NR1D1: variants seen among roughly 807,000 people sequenced by gnomAD.
NR1D1 encodes nuclear receptor subfamily 1 group D member 1, also known as Rev-ErbAalpha.
A neutral mutation model predicts 51.1 loss-of-function variants in NR1D1; 17 were observed. The ratio of observed to expected loss-of-function variants is 0.33; its 90% CI spans 0.23 to 0.50. The LOEUF (loss-of-function observed/expected upper bound fraction) is 0.50. Ranked by LOEUF, NR1D1 falls within the 20% of genes least tolerant of loss-of-function variation. The probability of loss-of-function intolerance (pLI) is 0.98; values close to 1 mark genes in which losing one functional copy is unlikely to be tolerated. For missense variants in NR1D1, 647 were observed against 830.4 expected (o/e 0.78, Z 2.71); for synonymous variants, 341 against 333.4 (o/e 1.02, Z -0.25).
chr17:40,097,168 TGAC>T lies in NR1D1; in HGVS notation c.264_266del (p.Ser93del), dbSNP rs747955235. 53 of 1,611,462 alleles carry T rather than the reference TGAC, an allele frequency of 3.3e-5. No individual in the cohort carries two copies. Among genetic ancestry groups the T allele is most frequent in the Middle Eastern group, 3.3e-4 (2 of 6,076 alleles). ...TCCCATTATAGAAGGAGGAGGAGGA[TGAC>T]GACGAGGAAGATGAGGAAGAAGGGG... On this transcript the variant is annotated inframe_deletion, in exon 2 of 8. Coordinates refer to ENST00000246672, the MANE Select transcript of NR1D1 (RefSeq NM_021724.5).
rs200279652 is a variant in NR1D1 at position 40,093,142 on chromosome 17, G to A, written c.1786C>T (p.Arg596Trp). The stretch of plus-strand genomic sequence containing the variant: ...TCGGAATGCATGTTGTTCAGGGTCC[G>A]CAGGTCCGGCAGCTTGAGCAGCAGC... Reference protein sequence around the residue: ...TKLLLKLPDLRTLNNMHSEKL... With the variant: ...TKLLLKLPDLWTLNNMHSEKL... Residue 596 changes from arginine (R) to tryptophan (W), a missense_variant, in exon 8 of 8, where the codon CGG becomes TGG. Physicochemically the swap from Arg to Trp is moderately radical, Grantham distance 101. This residue lies in a region of NR1D1 where 155 missense variants were observed against 236.8 expected (regional missense o/e 0.65). Transcript: ENST00000246672. This position sits in a 1 kb window ranked among gnomAD's most constrained non-coding sequence, Gnocchi z 5.9. 6 of 1,614,088 alleles carry A rather than the reference G, an allele frequency of 3.7e-6. No homozygotes were observed. The highest frequency in any genetic ancestry group is 4.2e-6 in the Non-Finnish European group (5 of 1,180,026).
In NR1D1 at chr17:40,092,954, A is replaced by G; in HGVS notation, c.*129T>C. On this transcript the variant is annotated 3_prime_UTR_variant, in exon 8 of 8. Coordinates refer to ENST00000246672, the MANE Select transcript of NR1D1 (RefSeq NM_021724.5). ...AGAAGGCTCAGGGGGCCAGAGGCTCATCTTGGAATATTTTATAACAATATA... is the reference window on the plus strand; with the variant it reads ...AGAAGGCTCAGGGGGCCAGAGGCTCGTCTTGGAATATTTTATAACAATATA... 1 of 1,556,934 alleles carries G rather than the reference A, an allele frequency of 6.4e-7. No individual in the cohort carries two copies. The highest frequency in any genetic ancestry group is 2.3e-5 in the East Asian group (1 of 43,992).
At chr17:40,095,371 T>A (rs1478956593) in intron 5 of NR1D1, 73 bp downstream of exon 5, 1 of 1,494,456 alleles carries the variant, frequency 6.7e-7, no homozygotes, top group Non-Finnish European at 8.9e-7. Context: ...AACCCCCAGC[T>A]GCCCTACACT....
At position 40,095,468 on chromosome 17, in the gene NR1D1, C is replaced by G; in HGVS notation, c.1224G>C (p.Gln408His). ...EGKAPANSPR[Q>H]GNSKNVLLAC... ...CCAGCAGAACATTCTTTGAGTTGCC[C>G]TGCCGGGGACTGTTGGCAGGTGCCT... The change falls in exon 5 of 8, where the codon CAG becomes CAC. Residue 408 changes from glutamine to histidine, a missense_variant. This residue lies in a region of NR1D1 where 185 missense variants were observed against 176.3 expected (regional missense o/e 1.05). Coordinates refer to ENST00000246672, the MANE Select transcript of NR1D1 (RefSeq NM_021724.5). 6.5e-7 allele frequency: 1 copy of G among 1,532,376 alleles called. No homozygotes were observed. The highest frequency in any genetic ancestry group is 8.8e-7 in the Non-Finnish European group (1 of 1,139,786). 94.9% of individuals were successfully genotyped at this position (1,532,376 alleles called of 1,614,324 possible). A position where few individuals can be genotyped will look rare whatever the true frequency, so the allele number is the denominator to read the frequency against.
chr17:40,095,653 C>T lies in NR1D1; in HGVS notation c.1039G>A (p.Ala347Thr), dbSNP rs369314055. The T allele has an allele frequency of 6.2e-7, 1 of 1,612,192 alleles. No individual in the cohort carries two copies. The highest frequency in any genetic ancestry group is 1.3e-5 in the African/African-American group (1 of 74,882). Reference sequence around the variant, plus strand: ...AGGGCCTCGTTATGACGCTGGGCAGCCAAGGTGTTGTTGTCATTGGGGGCA... The same window carrying T: ...AGGGCCTCGTTATGACGCTGGGCAGTCAAGGTGTTGTTGTCATTGGGGGCA... ...PPAPNDNNTLAAQRHNEALNG... is the reference protein window; with the variant it reads ...PPAPNDNNTLTAQRHNEALNG... Residue 347 changes from alanine to threonine, a missense_variant, in exon 5 of 8, where the codon GCT (alanine) becomes ACT (threonine). Ala to Thr is a moderately conservative substitution (Grantham distance 58). This residue lies in a region of NR1D1 where 185 missense variants were observed against 176.3 expected (regional missense o/e 1.05). Transcript: ENST00000246672.
chr17:40,100,020 G>GA, intron 1 of NR1D1, 44 bp downstream of exon 1: 1 of 1,442,912 alleles, frequency 6.9e-7, no homozygotes, highest in African/African-American at 1.4e-5. Context: ...TGGAGGTGGG[G>GA]AGACAGTGAC....
Position 40,096,678 on chromosome 17 carries a change from C to G in NR1D1, c.459+13G>C, listed in dbSNP as rs1348061912. Reference sequence around the variant, plus strand: ...GGCCACCTGCCCCTGCCCTTACCCCCAGTCCGCCTCACCTTGCAGCCCTCG... The same window carrying G: ...GGCCACCTGCCCCTGCCCTTACCCCGAGTCCGCCTCACCTTGCAGCCCTCG... On this transcript the variant is annotated intron_variant, in intron 3 of 7. Transcript: ENST00000246672. The G allele has an allele frequency of 1.2e-6, 2 of 1,614,170 alleles. No homozygotes were observed. Among genetic ancestry groups the G allele is most frequent in the South Asian group, 2.2e-5 (2 of 91,086 alleles).
Position 40,096,437 on chromosome 17 carries a change from C to T in NR1D1, c.604+6G>A. 1 of 1,614,182 alleles carries T rather than the reference C, an allele frequency of 6.2e-7. No individual in the cohort carries two copies. Among genetic ancestry groups the T allele is most frequent in the African/African-American group, 1.3e-5 (1 of 75,056 alleles). On this transcript the variant is annotated splice_donor_region_variant and intron_variant, in intron 4 of 7. Transcript: ENST00000246672. Reference sequence around the variant, plus strand: ...AAGGGGGGAGGATGTGGGGATGCTGCCTCACCGTCTCGAGACATGCCCACA... The same window carrying T: ...AAGGGGGGAGGATGTGGGGATGCTGTCTCACCGTCTCGAGACATGCCCACA...
At position 40,096,097 on chromosome 17, in the gene NR1D1, GA is replaced by G; in HGVS notation, c.605-11del. The G allele has an allele frequency of 1.9e-6, 3 of 1,610,758 alleles. No individual in the cohort carries two copies. Among genetic ancestry groups the G allele is most frequent in the Non-Finnish European group, 2.5e-6 (3 of 1,178,934 alleles). The stretch of plus-strand genomic sequence containing the variant: ...CGCCCAAAACGCACAGCTGCAACAG[GA>G]TGAGAACAGCATCAGGAAGTTCTCA... On this transcript the variant is annotated splice_polypyrimidine_tract_variant and intron_variant, in intron 4 of 7. Coordinates refer to ENST00000246672, the MANE Select transcript of NR1D1 (RefSeq NM_021724.5).
chr17:40,095,374 C>T (rs1247248724), intron 5 of NR1D1, 70 bp downstream of exon 5: 2 of 1,502,334 alleles, frequency 1.3e-6, no homozygotes, highest in African/African-American at 1.4e-5. Context: ...CCCCAGCTGC[C>T]CTACACTAAG....
At chr17:40,096,391 T>C in intron 4 of NR1D1, 52 bp downstream of exon 4, 1 of 1,612,376 alleles carries the variant, frequency 6.2e-7, no homozygotes, top group Non-Finnish European at 8.5e-7. Context: ...GAAGGATTAA[T>C]TCAGAAACTT....
chr17:40,099,947 CA>C, intron 1 of NR1D1, 116 bp downstream of exon 1: 1 of 795,630 alleles, frequency 1.3e-6, no homozygotes, highest in East Asian at 2.5e-5. Context: ...AGCACGTTAG[CA>C]AATCTCCGGG....
chr17:40,098,436 T>C (rs2269457), intron 1 of NR1D1, among the ~76,000 whole-genome samples: 51,063 of 152,002 alleles, frequency 0.34, 9,924 homozygotes, highest in East Asian at 0.54. Flanking sequence ...CCTTGGAAAA[T>C]AGTTGCACAA....
chr17:40,097,541 T>A, intron 1 of NR1D1, 138 bp from the exon 2 acceptor site: 1 of 699,046 alleles, frequency 1.4e-6, no homozygotes, highest in Non-Finnish European at 2.4e-6. Flanking sequence ...AATCTTGGAG[T>A]TAATAAGCAA....
At chr17:40,098,260 T>G (rs1369198245) in intron 1 of NR1D1, among the ~76,000 whole-genome samples, 6 of 152,210 alleles carry the variant, frequency 3.9e-5, no homozygotes, top group Admixed American at 2.0e-4. Context: ...TAGATTGGTC[T>G]GCCATGGGCG....
chr17:40,095,967 G>A lies in NR1D1; in HGVS notation c.725C>T (p.Thr242Ile), dbSNP rs866919284. Residue 242 changes from threonine to isoleucine, a missense_variant, in exon 5 of 8, where the codon ACC (threonine) becomes ATC (isoleucine). Coordinates refer to ENST00000246672, the MANE Select transcript of NR1D1 (RefSeq NM_021724.5). ...CATGGGGCCTGGGGTGGGGTGCTGG[G>A]TGGGTGAAGTCTCCAGCGGGCACTG... Reference protein sequence around the residue: ...SSQCPLETSPTQHPTPGPMGP... With the variant: ...SSQCPLETSPIQHPTPGPMGP... 6.2e-7 allele frequency: 1 copy of A among 1,612,312 alleles called. No homozygotes were observed. The highest frequency in any genetic ancestry group is 8.5e-7 in the Non-Finnish European group (1 of 1,179,890).
At position 40,095,576 on chromosome 17, in the gene NR1D1, G is replaced by A. The variant is rs763610308; in HGVS notation, c.1116C>T (p.Gly372=). 1.9e-5 allele frequency: 30 copies of A among 1,610,540 alleles called. No homozygotes were observed. The highest frequency in any genetic ancestry group is 2.5e-5 in the Non-Finnish European group (29 of 1,177,992). ...ACTGGTGGCAGCTGTGGTGTGCAGG[G>A]CCAGGAGGCCAGGTGGGAGGGTAGG... ...PSSYPPTWPP[G]PAHHSCHQSN... The change falls in exon 5 of 8, where the codon GGC becomes GGT. Residue 372 remains glycine (G), a synonymous_variant. Transcript: ENST00000246672.
Position 40,097,273 on chromosome 17 carries a change from T to C in NR1D1, c.162A>G (p.Pro54=). 1.9e-6 allele frequency: 3 copies of C among 1,612,912 alleles called. No homozygotes were observed. The East Asian group carries it at 6.7e-5, about 36-fold the overall frequency. ...CTTGGGTGAGGGAGCCAGTGGGGGATGGTGGGAAGTAGGTGGGACAGCCTT... is the reference window on the plus strand; with the variant it reads ...CTTGGGTGAGGGAGCCAGTGGGGGACGGTGGGAAGTAGGTGGGACAGCCTT... ...LTQGCPTYFP[P]SPTGSLTQDP... The change falls in exon 2 of 8, where the codon CCA becomes CCG. Residue 54 remains proline (P), a synonymous_variant. Transcript: ENST00000246672.
chr17:40,096,667 G>A lies in NR1D1; in HGVS notation c.459+24C>T, dbSNP rs774639910. 6 of 1,614,044 alleles carry A rather than the reference G, an allele frequency of 3.7e-6. 1 individual carries two copies. In the South Asian group the frequency reaches 6.6e-5, roughly 18 times the overall value. ...CAGGGGGAGGGGGCCACCTGCCCCT[G>A]CCCTTACCCCCAGTCCGCCTCACCT... On this transcript the variant is annotated intron_variant, in intron 3 of 7. Transcript: ENST00000246672.
Sources: allele counts gnomAD v4.1 joint callset (sites outside exome capture counted in the v4.1 genomes callset), GRCh38; gene constraint gnomAD v4.1.1; regional missense constraint gnomAD v4.1.1; non-coding constraint Gnocchi (gnomAD v3.1); transcripts MANE v1.5; gene names NCBI Gene and HGNC (gene_info 2026-07-23, HGNC 2026-07-21).